The following ATOSA variants were observed in gnomAD, a reference collection of about 807,000 sequenced individuals.
ATOSA encodes atos homolog protein A.
chr15:52,611,881 G>T, the ATOSA span: 1 of 1,032,278 alleles, frequency 9.7e-7, no homozygotes, highest in South Asian at 1.6e-5. Flanking sequence ...TGAGAAATGA[G>T]TCAGCTATTG....
the ATOSA span, among the ~76,000 whole-genome samples, chr15:52,703,881 A>G: frequency 6.6e-6 from 1 of 152,170 alleles, no homozygotes; most frequent in Non-Finnish European, 1.5e-5. Context: ...TGTGGCACAT[A>G]CACACAATAG....
At chr15:52,589,462 C>T in the ATOSA span, among the ~76,000 whole-genome samples, 4 of 152,246 alleles carry the variant, frequency 2.6e-5, no homozygotes, top group East Asian at 7.7e-4. Context: ...GGTAAGGCAA[C>T]TACTACCAAG....
chr15:52,627,427 A>G, the ATOSA span, among the ~76,000 whole-genome samples: 1 of 152,214 alleles, frequency 6.6e-6, no homozygotes, highest in East Asian at 1.9e-4. Context: ...TTTTATTACC[A>G]GTGCCTAGGA....
At chr15:52,603,587 T>A in the ATOSA span, among the ~76,000 whole-genome samples, 2 of 67,548 alleles carry the variant, frequency 3.0e-5, no homozygotes, top group African/African-American at 1.1e-4. Flanking sequence ...GCAACCTAAG[T>A]GTCCATCAAT....
the ATOSA span, among the ~76,000 whole-genome samples, chr15:52,597,238 C>A: frequency 6.9e-4 from 16 of 23,272 alleles, no homozygotes; most frequent in African/African-American, 1.9e-3. Context: ...CTATTCTATT[C>A]TATTCTATTC....
the ATOSA span, among the ~76,000 whole-genome samples, chr15:52,650,649 G>T: frequency 6.6e-6 from 1 of 152,100 alleles, no homozygotes; most frequent in South Asian, 2.1e-4. Flanking sequence ...GGTATTTTTT[G>T]AAAAGAACAA....
chr15:52,652,065 G>GT, the ATOSA span: 1 of 1,459,238 alleles, frequency 6.9e-7, no homozygotes, highest in African/African-American at 1.4e-5. Context: ...AGGCAGCAGA[G>GT]TAAGAGCGCA....
chr15:52,676,459 T>G, the ATOSA span, among the ~76,000 whole-genome samples: 3 of 152,082 alleles, frequency 2.0e-5, no homozygotes, highest in African/African-American at 7.2e-5. Context: ...AAAGCTTATT[T>G]CAATATTTCT....
At chr15:52,677,043 C>G in the ATOSA span, among the ~76,000 whole-genome samples, 109 of 152,242 alleles carry the variant, frequency 7.2e-4, 1 homozygote, top group East Asian at 0.019. Flanking sequence ...TTCTCCAATT[C>G]CTTCTGGTGC....
the ATOSA span, among the ~76,000 whole-genome samples, chr15:52,641,350 C>A: frequency 6.6e-6 from 1 of 152,178 alleles, no homozygotes; most frequent in Non-Finnish European, 1.5e-5. Flanking sequence ...CCAAGAGCCC[C>A]CCTACAGTGC....
the ATOSA span, among the ~76,000 whole-genome samples, chr15:52,640,637 C>G: frequency 2.7e-4 from 8 of 29,278 alleles, no homozygotes. Flanking sequence ...ATGTAGACTA[C>G]GTACATTTAA....
chr15:52,645,443 C>CAAAT, the ATOSA span, among the ~76,000 whole-genome samples: 82,389 of 149,886 alleles, frequency 0.55, 26,591 homozygotes, highest in Non-Finnish European at 0.72. Flanking sequence ...GACTCCATCT[C>CAAAT]AAATAAATAA....
At chr15:52,667,981 A>G in the ATOSA span, among the ~76,000 whole-genome samples, 2 of 152,262 alleles carry the variant, frequency 1.3e-5, no homozygotes, top group Admixed American at 6.5e-5. Context: ...TATTACAGCC[A>G]TTACGGAAAA....
chr15:52,658,673 G>C, the ATOSA span: 1 of 397,624 alleles, frequency 2.5e-6, no homozygotes, highest in Non-Finnish European at 4.4e-6. Context: ...CAAACAGAAA[G>C]GGATAGTGGA....
chr15:52,610,421 T>G, the ATOSA span: 9 of 1,549,434 alleles, frequency 5.8e-6, no homozygotes, highest in East Asian at 2.0e-4. Flanking sequence ...TATTGGATTA[T>G]AAAGGTTAGA....
chr15:52,608,425 G>T, the ATOSA span: 3 of 709,518 alleles, frequency 4.2e-6, no homozygotes, highest in Non-Finnish European at 6.4e-6. Flanking sequence ...GTTAATACTA[G>T]TTCTGTAGGT....
At chr15:52,601,322 T>C in the ATOSA span, among the ~76,000 whole-genome samples, 1 of 152,028 alleles carries the variant, frequency 6.6e-6, no homozygotes, top group Non-Finnish European at 1.5e-5. Context: ...TCATTACATA[T>C]TGTTCTTATG....
the ATOSA span, chr15:52,590,817 A>C: frequency 1.3e-5 from 2 of 152,314 alleles, no homozygotes; most frequent in East Asian, 3.9e-4. Context: ...TATTTTTTGA[A>C]AATGTTCTAA....
the ATOSA span, chr15:52,586,928 G>T: frequency 1.3e-6 from 1 of 745,578 alleles, no homozygotes; most frequent in Non-Finnish European, 2.0e-6. Context: ...ACTGTCATAT[G>T]CTATTTTTCT....
Sources: allele counts gnomAD v4.1 joint callset (sites outside exome capture counted in the v4.1 genomes callset), GRCh38; gene constraint gnomAD v4.1.1; transcripts MANE v1.5; gene names NCBI Gene and HGNC (gene_info 2026-07-23, HGNC 2026-07-21).